Variants in RERG observed in about 807,000 individuals in gnomAD.
RERG encodes the protein RAS like estrogen regulated growth inhibitor.
In RERG, 25 loss-of-function variants were observed where a neutral mutation model predicts 23.2. The ratio of observed to expected loss-of-function variants is 1.08; its 90% CI spans 0.79 to 1.50. RERG has a LOEUF of 1.50. Ranked by LOEUF, RERG falls within the 40% of genes most tolerant of loss-of-function variation. The pLI is 0.00. For missense variants in RERG, 253 were observed against 250.1 expected, an observed-to-expected ratio of 1.01 and a Z score of -0.08; for synonymous variants, 81 against 89.1, an observed-to-expected ratio of 0.91 and a Z score of 0.51.
intron 2 of RERG, among the ~76,000 whole-genome samples, chr12:15,145,176 C>A (rs1381779213): frequency 6.6e-6 from 1 of 152,130 alleles, no homozygotes; most frequent in Non-Finnish European, 1.5e-5. Context: ...TCCCAAACAA[C>A]CCCATTCTCA....
chr12:15,186,443 A>C (rs1042863943), intron 2 of RERG, among the ~76,000 whole-genome samples: 2 of 152,072 alleles, frequency 1.3e-5, no homozygotes, highest in Non-Finnish European at 2.9e-5. Flanking sequence ...TCTACTCAGA[A>C]GAGGTTAAAA....
intron 2 of RERG, among the ~76,000 whole-genome samples, chr12:15,158,836 AT>A (rs1274800043): frequency 9.9e-5 from 15 of 152,056 alleles, no homozygotes; most frequent in Admixed American, 8.5e-4. Context: ...ACTTTATTTT[AT>A]TAAGGTGGCA....
At chr12:15,126,275 C>G (rs1863941260) in intron 2 of RERG, among the ~76,000 whole-genome samples, 1 of 151,414 alleles carries the variant, frequency 6.6e-6, no homozygotes, top group African/African-American at 2.4e-5. Context: ...AAAATGAAAC[C>G]TGAAATGTCT....
chr12:15,150,701 A>G (rs1344510764), intron 2 of RERG, among the ~76,000 whole-genome samples: 1 of 152,218 alleles, frequency 6.6e-6, no homozygotes, highest in East Asian at 1.9e-4. Flanking sequence ...TAGGTGGAAA[A>G]GCCAGAATTG....
intron 2 of RERG, among the ~76,000 whole-genome samples, chr12:15,125,635 A>T (rs1043083435): frequency 1.3e-5 from 2 of 152,122 alleles, no homozygotes; most frequent in South Asian, 2.1e-4. Context: ...TTAAAATGTC[A>T]TAATAAATAA....
chr12:15,133,951 T>G (rs1284906278), intron 2 of RERG, among the ~76,000 whole-genome samples: 1 of 152,112 alleles, frequency 6.6e-6, no homozygotes, highest in Non-Finnish European at 1.5e-5. Context: ...TTAGTTGACT[T>G]TTTTTCATTG....
intron 2 of RERG, among the ~76,000 whole-genome samples, chr12:15,135,126 T>TGCACATAGGTCTC (rs1430373879): frequency 6.6e-6 from 1 of 152,222 alleles, no homozygotes; most frequent in East Asian, 1.9e-4. Flanking sequence ...ATAGAGGTCT[T>TGCACATAGGTCTC]GCACATAGGT....
chr12:15,194,979 T>C (rs1396767326), intron 2 of RERG, among the ~76,000 whole-genome samples: 1 of 152,086 alleles, frequency 6.6e-6, no homozygotes, highest in Non-Finnish European at 1.5e-5. Flanking sequence ...TTTTTTTCCA[T>C]TTGTTTTGTT....
chr12:15,110,034 G>A (rs960704065), intron 4 of RERG, among the ~76,000 whole-genome samples: 1 of 152,104 alleles, frequency 6.6e-6, no homozygotes, highest in Non-Finnish European at 1.5e-5. Flanking sequence ...CAGAAAAACT[G>A]TGACAAACTA....
intron 2 of RERG, among the ~76,000 whole-genome samples, chr12:15,145,018 A>G (rs906113430): frequency 3.3e-5 from 5 of 152,128 alleles, no homozygotes; most frequent in Non-Finnish European, 7.4e-5. Context: ...TTCTCTTTCT[A>G]TTAGACCTTG....
intron 2 of RERG, among the ~76,000 whole-genome samples, chr12:15,215,865 A>G (rs912580889): frequency 1.3e-5 from 2 of 152,168 alleles, no homozygotes; most frequent in Non-Finnish European, 2.9e-5. Flanking sequence ...TGAAGATGGG[A>G]AACGGATGGA....
At chr12:15,209,782 A>G (rs1386166743) in intron 2 of RERG, among the ~76,000 whole-genome samples, 2 of 152,182 alleles carry the variant, frequency 1.3e-5, no homozygotes, top group Non-Finnish European at 2.9e-5. Context: ...GATGTGGAAA[A>G]TAACTGAATG....
Position 15,108,981 on chromosome 12 carries a change from C to A in RERG, c.*129G>T. 1 of 991,440 alleles carries A rather than the reference C, an allele frequency of 1.0e-6. No homozygotes were observed. The highest frequency in any genetic ancestry group is 1.5e-6 in the Non-Finnish European group (1 of 671,996). The allele number at this position is 991,440 out of a possible 1,614,324, so 61.4% of individuals were successfully genotyped here. A position where few individuals can be genotyped will look rare whatever the true frequency, so the allele number is the denominator to read the frequency against. On this transcript the variant is annotated 3_prime_UTR_variant, in exon 5 of 5. Coordinates refer to ENST00000256953, the MANE Select transcript of RERG (RefSeq NM_032918.3). Reference sequence around the variant, plus strand: ...TAAAACTTCCCAACCTATTAGAGGCCAGAAACAATGGGAAGCCCAGACATT... The same window carrying A: ...TAAAACTTCCCAACCTATTAGAGGCAAGAAACAATGGGAAGCCCAGACATT...
chr12:15,167,929 T>C (rs1591655833), intron 2 of RERG, among the ~76,000 whole-genome samples: 1 of 152,280 alleles, frequency 6.6e-6, no homozygotes, highest in Non-Finnish European at 1.5e-5. Flanking sequence ...GAAAGTTGAA[T>C]AACAATTGGG....
intron 2 of RERG, among the ~76,000 whole-genome samples, chr12:15,206,308 G>A (rs999735702): frequency 2.0e-5 from 3 of 152,008 alleles, no homozygotes; most frequent in Non-Finnish European, 2.9e-5. Flanking sequence ...TACTCACTTT[G>A]TCTCTTCTCA....
At chr12:15,142,473 G>A (rs919722063) in intron 2 of RERG, among the ~76,000 whole-genome samples, 2 of 151,960 alleles carry the variant, frequency 1.3e-5, no homozygotes, top group Non-Finnish European at 2.9e-5. Context: ...CTCTCTGTTT[G>A]GAAATAAACT....
At chr12:15,209,620 C>T (rs1282452224) in intron 2 of RERG, among the ~76,000 whole-genome samples, 1 of 152,034 alleles carries the variant, frequency 6.6e-6, no homozygotes, top group Non-Finnish European at 1.5e-5. Context: ...TGGTTGATAA[C>T]ACACCTGGTA....
chr12:15,219,306 T>C (rs1320585828), intron 1 of RERG, among the ~76,000 whole-genome samples: 1 of 152,236 alleles, frequency 6.6e-6, no homozygotes, highest in African/African-American at 2.4e-5. Flanking sequence ...GACATTATCA[T>C]GTAATTGTTT....
chr12:15,217,329 A>G (rs991135925), intron 2 of RERG, 100 bp downstream of exon 2: 1 of 770,854 alleles, frequency 1.3e-6, no homozygotes, highest in Non-Finnish European at 2.3e-6. Flanking sequence ...TGAAAATAGG[A>G]GGAATACCAA....
Sources: allele counts gnomAD v4.1 joint callset (sites outside exome capture counted in the v4.1 genomes callset), GRCh38; gene constraint gnomAD v4.1.1; transcripts MANE v1.5; gene names NCBI Gene and HGNC (gene_info 2026-07-23, HGNC 2026-07-21).